CENPP: variants seen among roughly 807,000 people sequenced by gnomAD.
CENPP encodes the protein centromere protein P.
A neutral mutation model predicts 35.6 loss-of-function variants in CENPP; 24 were observed. The ratio of observed to expected loss-of-function variants is 0.67; its 90% CI spans 0.49 to 0.95. The LOEUF (loss-of-function observed/expected upper bound fraction) is 0.95, where lower values mean the gene tolerates loss of function less well. Among genes scored for constraint, CENPP ranks in the 40% least tolerant of loss-of-function variants. The probability of loss-of-function intolerance (pLI) is 0.00; values close to 1 mark genes in which losing one functional copy is unlikely to be tolerated. For synonymous variants in CENPP, 120 were observed against 125.5 expected, an observed-to-expected ratio of 0.96 and a Z score of 0.29; for missense variants, 332 against 345.3, an observed-to-expected ratio of 0.96 and a Z score of 0.31.
chr9:92,589,851 T>G (rs1316680210), intron 5 of CENPP, among the ~76,000 whole-genome samples: 2 of 152,234 alleles, frequency 1.3e-5, no homozygotes, highest in East Asian at 3.8e-4. Context: ...GTAATTTAAA[T>G]TGAAGATAAT....
intron 5 of CENPP, among the ~76,000 whole-genome samples, chr9:92,473,847 AGCACGTCTAAT>A (rs1845613778): frequency 6.6e-6 from 1 of 152,244 alleles, no homozygotes; most frequent in Non-Finnish European, 1.5e-5. Context: ...GGCAGTAGGA[AGCACGTCTAAT>A]GCTTTTCAAG....
At chr9:92,477,745 C>T (rs1421898313) in intron 5 of CENPP, among the ~76,000 whole-genome samples, 1 of 152,114 alleles carries the variant, frequency 6.6e-6, no homozygotes, top group African/African-American at 2.4e-5. Flanking sequence ...AAATAAAAAA[C>T]CCGCAACTCC....
At chr9:92,557,767 C>T (rs572906589) in intron 5 of CENPP, among the ~76,000 whole-genome samples, 75 of 152,202 alleles carry the variant, frequency 4.9e-4, no homozygotes, top group African/African-American at 1.7e-3. Flanking sequence ...CTCAGCCTCT[C>T]GAGTAGCTGG....
intron 5 of CENPP, among the ~76,000 whole-genome samples, chr9:92,435,445 A>G (rs1487921966): frequency 7.9e-5 from 12 of 152,184 alleles, no homozygotes; most frequent in Admixed American, 7.9e-4. Flanking sequence ...TAATGATAAC[A>G]TCTTGCAAAA....
chr9:92,338,657 G>A (rs1841010023), intron 3 of CENPP, among the ~76,000 whole-genome samples: 1 of 151,762 alleles, frequency 6.6e-6, no homozygotes, highest in South Asian at 2.1e-4. Flanking sequence ...GTCAATCTAT[G>A]GATGTGGAAC....
At chr9:92,370,445 G>T (rs765512712) in intron 4 of CENPP, among the ~76,000 whole-genome samples, 1 of 151,966 alleles carries the variant, frequency 6.6e-6, no homozygotes, top group Non-Finnish European at 1.5e-5. Context: ...ACTCCTTCTG[G>T]TCCTGGTCTT....
intron 5 of CENPP, among the ~76,000 whole-genome samples, chr9:92,571,340 C>T (rs1240887128): frequency 6.6e-6 from 1 of 152,150 alleles, no homozygotes; most frequent in Non-Finnish European, 1.5e-5. Flanking sequence ...GTTATGTACC[C>T]ATTAGTCATT....
intron 5 of CENPP, among the ~76,000 whole-genome samples, chr9:92,530,240 AG>A (rs1332192687): frequency 6.6e-6 from 1 of 152,174 alleles, no homozygotes; most frequent in Non-Finnish European, 1.5e-5. Flanking sequence ...TCAAAACCCA[AG>A]AATACAGAGT....
intron 5 of CENPP, among the ~76,000 whole-genome samples, chr9:92,416,258 C>G (rs1018507670): frequency 6.6e-6 from 1 of 151,526 alleles, no homozygotes; most frequent in Non-Finnish European, 1.5e-5. Context: ...TGCCACCATG[C>G]CTGGCTAATT....
chr9:92,455,571 G>A (rs1396838790), intron 5 of CENPP, among the ~76,000 whole-genome samples: 1 of 151,994 alleles, frequency 6.6e-6, no homozygotes, highest in African/African-American at 2.4e-5. Context: ...TGAAGAATAA[G>A]ACTTTATTTA....
At chr9:92,406,276 A>G (rs186739178) in intron 5 of CENPP, among the ~76,000 whole-genome samples, 1 of 152,166 alleles carries the variant, frequency 6.6e-6, no homozygotes, top group Non-Finnish European at 1.5e-5. Context: ...GATGGACCAT[A>G]TTAAGAGATG....
intron 3 of CENPP, among the ~76,000 whole-genome samples, chr9:92,343,322 G>T (rs1173151845): frequency 1.3e-5 from 2 of 152,108 alleles, no homozygotes; most frequent in African/African-American, 4.8e-5. Flanking sequence ...GAGCTCTGTT[G>T]GCCAGATTTA....
chr9:92,522,845 A>C (rs1216763087), intron 5 of CENPP: 3 of 1,606,442 alleles, frequency 1.9e-6, no homozygotes, highest in Non-Finnish European at 2.5e-6. Flanking sequence ...AGAAAAAAAC[A>C]AAACAAAACT....
chr9:92,600,799 G>A (rs1850893249), intron 5 of CENPP, among the ~76,000 whole-genome samples: 1 of 152,186 alleles, frequency 6.6e-6, no homozygotes, highest in African/African-American at 2.4e-5. Context: ...TTAACTCCCT[G>A]TGGACAAGCA....
chr9:92,371,849 T>C (rs1842011317), intron 4 of CENPP, among the ~76,000 whole-genome samples: 1 of 150,954 alleles, frequency 6.6e-6, no homozygotes, highest in Non-Finnish European at 1.5e-5. Context: ...TTTATCATTA[T>C]ATAATGACCT....
chr9:92,464,781 T>C, intron 5 of CENPP: 1 of 743,926 alleles, frequency 1.3e-6, no homozygotes, highest in Non-Finnish European at 2.4e-6. Context: ...TATGTGTGTG[T>C]AGACTATATT....
At position 92,506,081 on chromosome 9, in the gene CENPP, A is replaced by G. The variant is rs1231384692; in HGVS notation, c.565-105233A>G. Among the ~76,000 whole-genome samples, 5 of 152,220 alleles carry G rather than the reference A, an allele frequency of 3.3e-5. No individual in the cohort carries two copies. The East Asian group carries it at 7.7e-4, about 23-fold the overall frequency. On this transcript the variant is annotated intron_variant, in intron 5 of 7. Transcript: ENST00000375587. ...GTAGGAAAGGAATAGAAAGTTGTGGACAGTCATTGGAAACATTGCAAAGAC... is the reference window on the plus strand; with the variant it reads ...GTAGGAAAGGAATAGAAAGTTGTGGGCAGTCATTGGAAACATTGCAAAGAC...
At chr9:92,502,728 T>C in intron 5 of CENPP, 2 of 1,214,572 alleles carry the variant, frequency 1.6e-6, no homozygotes, top group Non-Finnish European at 2.3e-6. Context: ...ACTAAAATAG[T>C]GACATAGACT....
intron 4 of CENPP, among the ~76,000 whole-genome samples, chr9:92,379,296 GTGATGTGTTTGA>G (rs1842192924): frequency 6.6e-6 from 1 of 152,140 alleles, no homozygotes. Context: ...GATGTGTTTG[GTGATGTGTTTGA>G]TGTGTTTTCC....
Sources: gnomAD v4.1 joint callset for allele counts (sites outside exome capture counted in the v4.1 genomes callset) on GRCh38, gnomAD v4.1.1 for gene constraint, MANE v1.5 for transcripts, NCBI Gene and HGNC (gene_info 2026-07-23, HGNC 2026-07-21) for gene names.